The following NOX4 variants were observed in gnomAD, a reference collection of about 807,000 sequenced individuals.
The protein encoded by NOX4 is NADPH oxidase 4, also known as kidney oxidase-1.
A neutral mutation model predicts 87.6 loss-of-function variants in NOX4; 69 were observed. That is an observed-to-expected ratio of 0.79 (90% CI 0.65 to 0.96). The LOEUF (loss-of-function observed/expected upper bound fraction) is 0.96, where lower values mean the gene tolerates loss of function less well. NOX4 is among the 40% of genes least tolerant of loss of function. The pLI is 0.00. For missense variants in NOX4, 680 were observed against 681.5 expected, an observed-to-expected ratio of 1.00 and a Z score of 0.02; for synonymous variants, 275 against 238.2, an observed-to-expected ratio of 1.15 and a Z score of -1.42.
chr11:89,468,459 G>A (rs957140), intron 2 of NOX4, among the ~76,000 whole-genome samples: 60,626 of 151,958 alleles, frequency 0.4, 12,488 homozygotes, highest in East Asian at 0.52. Flanking sequence ...GAAGACTATC[G>A]TCTCTGTTAC....
At chr11:89,348,584 T>C (rs1265928710) in intron 13 of NOX4, among the ~76,000 whole-genome samples, 1 of 152,136 alleles carries the variant, frequency 6.6e-6, no homozygotes, top group Non-Finnish European at 1.5e-5. Flanking sequence ...ACCACTGCAC[T>C]ACAGCGTGGG....
chr11:89,486,294 T>A (rs116683659), intron 2 of NOX4, among the ~76,000 whole-genome samples: 8,107 of 147,890 alleles, frequency 0.055, 630 homozygotes, highest in African/African-American at 0.18. Context: ...TAAATAAATT[T>A]ATTTATTTAA....
In NOX4 at chr11:89,340,876, G is replaced by A. The variant is rs562316748; in HGVS notation, c.1338-705C>T. On this transcript the variant is annotated intron_variant, in intron 14 of 17. Transcript: ENST00000263317. ...GAGCATGATCATTTTTGTAAGAACC[G>A]CCAGAAAGTACCAAATTTACATCTA... 1.3e-4 allele frequency among the ~76,000 whole-genome samples: 19 copies of A among 151,852 alleles called. 1 individual carries two copies. The South Asian group carries it at 1.9e-3, about 15-fold the overall frequency.
chr11:89,411,159 A>C (rs1374100646), intron 8 of NOX4, among the ~76,000 whole-genome samples: 1 of 152,084 alleles, frequency 6.6e-6, no homozygotes, highest in Non-Finnish European at 1.5e-5. Context: ...AGAAGGACCC[A>C]GTCCTGGCAA....
At chr11:89,440,404 C>T (rs1944404699) in intron 6 of NOX4, among the ~76,000 whole-genome samples, 1 of 152,124 alleles carries the variant, frequency 6.6e-6, no homozygotes, top group Non-Finnish European at 1.5e-5. Context: ...AGTGCAATTT[C>T]TGCCTCCTGG....
At chr11:89,483,115 T>C (rs1189209926) in intron 2 of NOX4, among the ~76,000 whole-genome samples, 2 of 152,100 alleles carry the variant, frequency 1.3e-5, no homozygotes, top group African/African-American at 4.8e-5. Flanking sequence ...AATTCCTATA[T>C]TCTACTGTTG....
the NOX4 span, among the ~76,000 whole-genome samples, chr11:89,589,204 T>A: frequency 6.6e-6 from 1 of 152,114 alleles, no homozygotes; most frequent in Non-Finnish European, 1.5e-5. Flanking sequence ...TCTGGAGCAT[T>A]TTGCTTTGAT....
chr11:89,534,554 C>A, the NOX4 span, among the ~76,000 whole-genome samples: 1 of 151,484 alleles, frequency 6.6e-6, no homozygotes, highest in Non-Finnish European at 1.5e-5. Flanking sequence ...TCCCATATCA[C>A]ATCCCACTGG....
At chr11:89,428,511 T>G (rs1591211585) in intron 7 of NOX4, among the ~76,000 whole-genome samples, 1 of 151,670 alleles carries the variant, frequency 6.6e-6, no homozygotes, top group Non-Finnish European at 1.5e-5. Flanking sequence ...AATAAAGGGA[T>G]GGAGGAAGAT....
intron 17 of NOX4, among the ~76,000 whole-genome samples, chr11:89,328,816 C>T (rs1945326556): frequency 6.6e-6 from 1 of 151,854 alleles, no homozygotes; most frequent in African/African-American, 2.4e-5. Context: ...GAATGGTGTA[C>T]TTATAAGAAG....
intron 12 of NOX4, among the ~76,000 whole-genome samples, chr11:89,356,383 A>G (rs952794340): frequency 1.2e-4 from 18 of 151,192 alleles, no homozygotes; most frequent in African/African-American, 4.4e-4. Context: ...TGAATTCATA[A>G]TGAAGAAAAG....
intron 13 of NOX4, among the ~76,000 whole-genome samples, chr11:89,350,381 T>C (rs112659674): frequency 0.022 from 3,392 of 152,286 alleles, 91 homozygotes; most frequent in East Asian, 0.13. Flanking sequence ...TTTCCATATT[T>C]CATTATTTGT....
At chr11:89,340,514 C>A (rs1358600721) in intron 14 of NOX4, among the ~76,000 whole-genome samples, 1 of 152,112 alleles carries the variant, frequency 6.6e-6, no homozygotes, top group Non-Finnish European at 1.5e-5. Context: ...TAATATTGGG[C>A]TCTGCATCTC....
In NOX4 at chr11:89,424,942, A is replaced by G. The variant is rs186005012; in HGVS notation, c.549-2960T>C. On this transcript the variant is annotated intron_variant, in intron 7 of 17. Transcript: ENST00000263317. ...TCATGATTCTAACAATAAAACAGAA[A>G]AGCAAACTAGGTGTTATAATCTTGT... 2.4e-4 allele frequency among the ~76,000 whole-genome samples: 37 copies of G among 152,224 alleles called. 1 individual carries two copies. Among genetic ancestry groups the G allele is most frequent in the Admixed American group, 1.1e-3 (17 of 15,294 alleles).
intron 4 of NOX4, among the ~76,000 whole-genome samples, chr11:89,448,189 G>T (rs931607341): frequency 2.0e-5 from 3 of 152,036 alleles, no homozygotes; most frequent in Admixed American, 1.3e-4. Flanking sequence ...TATGAGGTAA[G>T]TCCTGCTGTC....
chr11:89,327,353 G>C (rs1369814848), intron 17 of NOX4, among the ~76,000 whole-genome samples: 1 of 152,024 alleles, frequency 6.6e-6, no homozygotes, highest in Non-Finnish European at 1.5e-5. Context: ...CGATGAATAA[G>C]GAAGGAAAGA....
At chr11:89,551,674 C>T in the NOX4 span, among the ~76,000 whole-genome samples, 2 of 152,164 alleles carry the variant, frequency 1.3e-5, no homozygotes, top group Non-Finnish European at 2.9e-5. Flanking sequence ...AGTTGCTTAT[C>T]AGCTTAAGGA....
chr11:89,382,067 G>A (rs1235031566), intron 11 of NOX4, among the ~76,000 whole-genome samples: 2 of 152,038 alleles, frequency 1.3e-5, no homozygotes, highest in Admixed American at 6.6e-5. Context: ...ATTCACCCAC[G>A]TTTCAGAGGT....
chr11:89,329,356 G>GAAAAAAAA (rs377055666), intron 17 of NOX4, among the ~76,000 whole-genome samples: 87 of 34,594 alleles, frequency 2.5e-3, no homozygotes, highest in Non-Finnish European at 3.2e-3. Flanking sequence ...GAAAAAAACT[G>GAAAAAAAA]AAAAAAAAAA....
Sources: allele counts gnomAD v4.1 joint callset (sites outside exome capture counted in the v4.1 genomes callset), GRCh38; gene constraint gnomAD v4.1.1; transcripts MANE v1.5; gene names NCBI Gene and HGNC (gene_info 2026-07-23, HGNC 2026-07-21).